The following SYN3 variants were observed in gnomAD, a reference collection of about 807,000 sequenced individuals.
SYN3 encodes synapsin III.
In SYN3, 35 loss-of-function variants were observed where a neutral mutation model predicts 65.8. The observed-to-expected ratio is 0.53, with a 90% CI of 0.41 to 0.70. SYN3 has a LOEUF of 0.70. Among genes scored for constraint, SYN3 ranks in the 30% least tolerant of loss-of-function variants. SYN3 has a pLI of 0.00. For missense variants in SYN3, 680 were observed against 749.0 expected (o/e 0.91, Z 1.08); for synonymous variants, 270 against 292.9 (o/e 0.92, Z 0.80).
intron 1 of SYN3, among the ~76,000 whole-genome samples, chr22:33,019,835 G>A (rs1366091602): frequency 1.3e-5 from 2 of 152,116 alleles, no homozygotes; most frequent in Non-Finnish European, 2.9e-5. Context: ...TCTCAGGCTG[G>A]TCTTCAACTC....
At chr22:32,781,654 T>C (rs1426850930) in intron 6 of SYN3, among the ~76,000 whole-genome samples, 1 of 151,200 alleles carries the variant, frequency 6.6e-6, no homozygotes, top group African/African-American at 2.4e-5. Context: ...AGGTGTTACT[T>C]AGGTGTTTGC....
intron 3 of SYN3, among the ~76,000 whole-genome samples, chr22:32,956,689 A>G (rs4441575): frequency 0.2 from 30,698 of 152,190 alleles, 3,661 homozygotes; most frequent in Non-Finnish European, 0.27. Flanking sequence ...GCTGATGGAC[A>G]TCTGGGTTGT....
intron 3 of SYN3, among the ~76,000 whole-genome samples, chr22:32,944,041 G>A (rs1169807952): frequency 1.3e-5 from 2 of 152,098 alleles, no homozygotes; most frequent in Admixed American, 6.5e-5. Flanking sequence ...ACAGATCAAC[G>A]AGACAAAGTT....
chr22:32,718,848 G>T (rs1414153773), intron 6 of SYN3, among the ~76,000 whole-genome samples: 1 of 152,106 alleles, frequency 6.6e-6, no homozygotes, highest in African/African-American at 2.4e-5. Context: ...TTACCTACCG[G>T]CACCCAGCGT....
chr22:32,518,582 T>C (rs894697641), intron 12 of SYN3: 8 of 648,736 alleles, frequency 1.2e-5, no homozygotes, highest in African/African-American at 3.6e-5. Context: ...CAGGATACTG[T>C]TGATAACATA....
intron 6 of SYN3, among the ~76,000 whole-genome samples, chr22:32,665,065 C>G (rs1407447614): frequency 1.4e-5 from 2 of 142,614 alleles, no homozygotes; most frequent in Non-Finnish European, 3.0e-5. Flanking sequence ...GTGGTGCCAT[C>G]CCGGCTCACC....
At chr22:32,869,689 G>GTTTTTTTTTTTTTTTT (rs1288480674) in intron 4 of SYN3, among the ~76,000 whole-genome samples, 1 of 118,448 alleles carries the variant, frequency 8.4e-6, no homozygotes. Context: ...AACACATCTT[G>GTTTTTTTTTTTTTTTT]GTTTTTTTTT....
intron 5 of SYN3, 120 bp downstream of exon 5, chr22:32,868,846 G>C: frequency 3.7e-6 from 3 of 817,566 alleles, no homozygotes; most frequent in Non-Finnish European, 5.3e-6. Flanking sequence ...GTTCAGTTCA[G>C]TTGCTTAAAT....
At chr22:32,548,608 G>C (rs1022447000) in intron 7 of SYN3, among the ~76,000 whole-genome samples, 1 of 152,112 alleles carries the variant, frequency 6.6e-6, no homozygotes, top group African/African-American at 2.4e-5. Flanking sequence ...TCCTGATCTT[G>C]TGATCCGCCC....
chr22:32,721,234 C>T (rs2061113578), intron 6 of SYN3, among the ~76,000 whole-genome samples: 1 of 152,170 alleles, frequency 6.6e-6, no homozygotes, highest in South Asian at 2.1e-4. Flanking sequence ...CTGCTGCTGC[C>T]ACCTCCCCTG....
chr22:32,551,526 GGA>G (rs1491215276), intron 7 of SYN3, among the ~76,000 whole-genome samples: 1 of 92,696 alleles, frequency 1.1e-5, no homozygotes, highest in Non-Finnish European at 2.2e-5. Flanking sequence ...TAAATGACAA[GGA>G]AAAAAAAAAA....
intron 13 of SYN3, among the ~76,000 whole-genome samples, chr22:32,514,832 C>T (rs574038952): frequency 1.7e-4 from 26 of 152,232 alleles, no homozygotes; most frequent in Admixed American, 7.2e-4. Flanking sequence ...CTGGCTAACA[C>T]GGTGAAACCC....
intron 4 of SYN3, among the ~76,000 whole-genome samples, chr22:32,880,228 C>A (rs1241491745): frequency 6.6e-6 from 1 of 152,176 alleles, no homozygotes; most frequent in Non-Finnish European, 1.5e-5. Context: ...AGCATCCTCA[C>A]CCCAAACCCC....
chr22:32,567,567 A>G (rs574282882), intron 7 of SYN3, among the ~76,000 whole-genome samples: 36 of 152,138 alleles, frequency 2.4e-4, no homozygotes, highest in Admixed American at 5.2e-4. Flanking sequence ...GCCTCAGAAC[A>G]TTAGCTAAAA....
chr22:32,698,855 T>C (rs1346298228), intron 6 of SYN3, among the ~76,000 whole-genome samples: 1 of 152,190 alleles, frequency 6.6e-6, no homozygotes, highest in Admixed American at 6.5e-5. Flanking sequence ...ATATGGGACA[T>C]TAATTTCTGC....
intron 4 of SYN3, among the ~76,000 whole-genome samples, chr22:32,880,370 A>T (rs1262655331): frequency 6.6e-6 from 1 of 152,148 alleles, no homozygotes. Flanking sequence ...AGCTCAAGGA[A>T]GGGGAAGAAG....
At chr22:32,745,663 G>A (rs1016360853) in intron 6 of SYN3, among the ~76,000 whole-genome samples, 14 of 152,178 alleles carry the variant, frequency 9.2e-5, no homozygotes, top group Non-Finnish European at 1.6e-4. Flanking sequence ...AGCCTTCCTG[G>A]GAGGGGAAGG....
chr22:32,550,756 C>T (rs962401033), intron 7 of SYN3, among the ~76,000 whole-genome samples: 2 of 151,736 alleles, frequency 1.3e-5, no homozygotes, highest in Middle Eastern at 3.4e-3. Flanking sequence ...CTCTAAAACC[C>T]ATTATGTTAT....
At chr22:32,913,459 A>C (rs2050107553) in intron 4 of SYN3, among the ~76,000 whole-genome samples, 1 of 151,856 alleles carries the variant, frequency 6.6e-6, no homozygotes, top group Admixed American at 6.6e-5. Flanking sequence ...CGCACAGCCA[A>C]GTCTATTATT....
Sources: gnomAD v4.1 joint callset for allele counts (sites outside exome capture counted in the v4.1 genomes callset) on GRCh38, gnomAD v4.1.1 for gene constraint, MANE v1.5 for transcripts, NCBI Gene and HGNC (gene_info 2026-07-23, HGNC 2026-07-21) for gene names.